The following CLIP4 variants were observed in gnomAD, a reference collection of about 807,000 sequenced individuals.
CLIP4 encodes CAP-Gly domain-containing linker protein 4.
CLIP4 carries 47 observed loss-of-function variants against 73.1 expected under a neutral mutation model. That is an observed-to-expected ratio of 0.64 (90% confidence interval 0.51 to 0.82). The LOEUF (loss-of-function observed/expected upper bound fraction) is 0.82. Among genes scored for constraint, CLIP4 ranks in the 40% least tolerant of loss-of-function variants. The pLI is 0.00. For missense variants in CLIP4, 874 were observed against 852.9 expected (o/e 1.02, Z -0.31); for synonymous variants, 306 against 295.4 (o/e 1.04, Z -0.37).
intron 1 of CLIP4, among the ~76,000 whole-genome samples, chr2:29,102,909 C>T (rs1322764081): frequency 4.6e-5 from 7 of 152,286 alleles, no homozygotes; most frequent in East Asian, 1.9e-4. Flanking sequence ...TGAGCCACTG[C>T]GCCCAGTACA....
intron 8 of CLIP4, 82 bp downstream of exon 8, chr2:29,145,449 T>A (rs1374475391): frequency 1.2e-5 from 14 of 1,139,772 alleles, no homozygotes; most frequent in Non-Finnish European, 1.6e-5. Flanking sequence ...AAATAAAACT[T>A]TTCTCCTGAT....
At chr2:29,133,583 A>G in intron 4 of CLIP4, 72 bp from the exon 5 acceptor site, 1 of 1,439,088 alleles carries the variant, frequency 6.9e-7, no homozygotes, top group Non-Finnish European at 9.4e-7. Flanking sequence ...TTTTTAAATG[A>G]GGCAATTGGT....
At chr2:29,181,469 C>G in intron 15 of CLIP4, 103 bp from the exon 16 acceptor site, 1 of 943,734 alleles carries the variant, frequency 1.1e-6, no homozygotes, top group Non-Finnish European at 1.6e-6. Flanking sequence ...CTTTTGGGAA[C>G]TGAGTGAATG....
intron 1 of CLIP4, among the ~76,000 whole-genome samples, chr2:29,104,175 C>G (rs115165992): frequency 6.6e-6 from 1 of 152,182 alleles, no homozygotes; most frequent in African/African-American, 2.4e-5. Flanking sequence ...GAAAGGGACA[C>G]GTCTTATGGT....
chr2:29,113,443 G>A (rs189538173), upstream of CLIP4, among the ~76,000 whole-genome samples: 10 of 152,296 alleles, frequency 6.6e-5, no homozygotes, highest in African/African-American at 2.4e-4. This position sits in a 1 kb window ranked among gnomAD's most constrained non-coding sequence, Gnocchi z 4.0. Context: ...GGCAATACCT[G>A]GTTCTAAAGC....
intron 1 of CLIP4, among the ~76,000 whole-genome samples, chr2:29,116,437 C>T (rs1387610663): frequency 6.6e-6 from 1 of 152,202 alleles, no homozygotes; most frequent in African/African-American, 2.4e-5. Context: ...TCGTATAAAA[C>T]GGGCGCCTTT....
At position 29,182,721 on chromosome 2, in the gene CLIP4, T is replaced by G. The variant is rs534762221; in HGVS notation, c.*828T>G. 6.6e-6 allele frequency: 1 copy of G among 151,984 alleles called. No homozygotes were observed. Among genetic ancestry groups the G allele is most frequent in the Admixed American group, 6.6e-5 (1 of 15,168 alleles). The allele number at this position is 151,984 out of a possible 1,614,324, so 9.4% of individuals were successfully genotyped here. On this transcript the variant is annotated 3_prime_UTR_variant, in exon 16 of 16. Transcript: ENST00000320081. ...TTATGAATTCAAGTAATAATTAGATTTTTTTTGCACAGACTTACTTAACTT... is the reference window on the plus strand; with the variant it reads ...TTATGAATTCAAGTAATAATTAGATGTTTTTTGCACAGACTTACTTAACTT...
At chr2:29,179,477 G>T (rs1199104723) in intron 15 of CLIP4, among the ~76,000 whole-genome samples, 1 of 152,158 alleles carries the variant, frequency 6.6e-6, no homozygotes, top group African/African-American at 2.4e-5. Flanking sequence ...TACAGCCATG[G>T]ATCTGAGCCT....
chr2:29,097,820 T>C (rs1384893897), exon 1 of CLIP4: 1 of 152,204 alleles, frequency 6.6e-6, no homozygotes, highest in African/African-American at 2.4e-5. Flanking sequence ...GAGTGCAGTA[T>C]GAAAACACCC....
At chr2:29,132,112 A>G (rs1251058804) in intron 3 of CLIP4, 40 bp from the exon 4 acceptor site, 8 of 1,469,294 alleles carry the variant, frequency 5.4e-6, no homozygotes, top group Non-Finnish European at 7.6e-6. Flanking sequence ...TAGGTACCTC[A>G]GTAGTTAGGT....
At chr2:29,157,391 C>T (rs1666996795) in intron 11 of CLIP4, 44 bp downstream of exon 11, 1 of 1,613,616 alleles carries the variant, frequency 6.2e-7, no homozygotes, top group African/African-American at 1.3e-5. Context: ...TGTTTTTTAT[C>T]TTGGTTTGTT....
At chr2:29,180,676 C>T (rs770489877) in intron 15 of CLIP4, among the ~76,000 whole-genome samples, 9 of 151,964 alleles carry the variant, frequency 5.9e-5, no homozygotes, top group Non-Finnish European at 1.0e-4. Flanking sequence ...ATTTACTACA[C>T]TGTCAAAATA....
chr2:29,174,523 G>A, intron 15 of CLIP4, 78 bp downstream of exon 15: 2 of 1,555,438 alleles, frequency 1.3e-6, no homozygotes, highest in South Asian at 1.2e-5. Context: ...AAAGTGGAGT[G>A]CTGTATCTTT....
intron 1 of CLIP4, among the ~76,000 whole-genome samples, chr2:29,108,597 C>T (rs186268115): frequency 4.6e-5 from 7 of 152,164 alleles, no homozygotes; most frequent in Non-Finnish European, 8.8e-5. Flanking sequence ...AGAAGACTAC[C>T]GTACCCACCA....
At chr2:29,177,976 C>A (rs1668440254) in intron 15 of CLIP4, among the ~76,000 whole-genome samples, 1 of 152,084 alleles carries the variant, frequency 6.6e-6, no homozygotes, top group South Asian at 2.1e-4. Context: ...GTTTACCCAA[C>A]CCATTAATTT....
chr2:29,135,732 G>C, intron 6 of CLIP4, 66 bp downstream of exon 6: 1 of 1,151,878 alleles, frequency 8.7e-7, no homozygotes, highest in South Asian at 1.4e-5. Context: ...CTGGTAAAAT[G>C]TTGAATCTGA....
At chr2:29,180,830 A>C (rs927446950) in intron 15 of CLIP4, among the ~76,000 whole-genome samples, 5 of 133,424 alleles carry the variant, frequency 3.7e-5, no homozygotes, top group African/African-American at 1.3e-4. Context: ...TACTGAAAGC[A>C]TATATATGTA....
upstream of CLIP4, among the ~76,000 whole-genome samples, chr2:29,113,149 C>T (rs7590053): frequency 0.023 from 3,558 of 152,296 alleles, 116 homozygotes; most frequent in East Asian, 0.091. The surrounding 1 kb of genome is among the most constrained non-coding windows in gnomAD (Gnocchi z 4.0). Context: ...CCAGAGTCTG[C>T]TTCTTCATTT....
chr2:29,111,684 C>T (rs1668389818), upstream of CLIP4, among the ~76,000 whole-genome samples: 1 of 152,170 alleles, frequency 6.6e-6, no homozygotes, highest in African/African-American at 2.4e-5. Context: ...AGATATTAAT[C>T]CCTAGTTGCT....
Sources: allele counts gnomAD v4.1 joint callset (sites outside exome capture counted in the v4.1 genomes callset), GRCh38; gene constraint gnomAD v4.1.1; non-coding constraint Gnocchi (gnomAD v3.1); transcripts MANE v1.5; gene names NCBI Gene and HGNC (gene_info 2026-07-23, HGNC 2026-07-21).